FBXO42: variants seen among roughly 807,000 people sequenced by gnomAD.
The protein encoded by FBXO42 is F-box protein 42.
Under a neutral mutation model 71.7 loss-of-function variants are expected in FBXO42, and 12 were observed. The observed-to-expected ratio is 0.17, with a 90% confidence interval of 0.11 to 0.27. The LOEUF (loss-of-function observed/expected upper bound fraction) is 0.27, where lower values mean the gene tolerates loss of function less well. FBXO42 is among the 10% of genes least tolerant of loss of function. FBXO42 has a pLI of 1.00. For missense variants in FBXO42, 707 were observed against 911.9 expected (o/e 0.78, Z 2.89); for synonymous variants, 325 against 327.5 (o/e 0.99, Z 0.08).
In FBXO42 at chr1:16,335,754, C is replaced by A. The variant is rs564532583; in HGVS notation, c.-18+16501G>T. On this transcript the variant is annotated intron_variant, in intron 1 of 9. Transcript: ENST00000375592. ...TGGTCGTGGGCACCTGTAATCCCAG[C>A]TACTAAGGAGGCTGAGGCAGGAGAA... is the stretch of plus-strand genomic sequence containing the variant. 4.0e-5 allele frequency among the ~76,000 whole-genome samples: 6 copies of A among 151,068 alleles called. No homozygotes were observed. In the South Asian group the frequency reaches 1.0e-3, roughly 26 times the overall value.
At chr1:16,340,238 T>C (rs1315568429) in intron 1 of FBXO42, among the ~76,000 whole-genome samples, 1 of 150,826 alleles carries the variant, frequency 6.6e-6, no homozygotes, top group Non-Finnish European at 1.5e-5. Context: ...TCCTGGAGAC[T>C]GTTTCAGAAA....
intron 1 of FBXO42, among the ~76,000 whole-genome samples, chr1:16,336,359 T>G (rs1196226336): frequency 1.3e-5 from 2 of 151,784 alleles, no homozygotes; most frequent in Non-Finnish European, 2.9e-5. Context: ...CTTTTTTGTT[T>G]GTTTTTGTTT....
In FBXO42 at chr1:16,251,860, T is replaced by C. The variant is rs2081595719; in HGVS notation, c.1039-75A>G. 3 of 1,518,932 alleles carry C rather than the reference T, an allele frequency of 2.0e-6. No homozygotes were observed. The highest frequency in any genetic ancestry group is 1.4e-5 in the African/African-American group (1 of 72,450). 94.1% of individuals were successfully genotyped at this position (1,518,932 alleles called of 1,614,324 possible). A position where few individuals can be genotyped will look rare whatever the true frequency, so the allele number is the denominator to read the frequency against. On this transcript the variant is annotated intron_variant, in intron 9 of 9. Transcript: ENST00000375592. The surrounding 1 kb of genome is among the most constrained non-coding windows in gnomAD (Gnocchi z 4.5). ...CATTCAACTGTCAAACATTTTATCA[T>C]GAGCATCTGTCATGTGCCAGACATT...
intron 1 of FBXO42, among the ~76,000 whole-genome samples, chr1:16,323,254 T>C (rs1011545266): frequency 6.8e-6 from 1 of 147,990 alleles, no homozygotes; most frequent in Non-Finnish European, 1.5e-5. Context: ...CCATCTCTAC[T>C]AAAAATACAA....
At chr1:16,277,273 A>G (rs1006009974) in intron 4 of FBXO42, among the ~76,000 whole-genome samples, 9 of 152,202 alleles carry the variant, frequency 5.9e-5, no homozygotes, top group Non-Finnish European at 1.0e-4. Flanking sequence ...CATTCTCCTA[A>G]CACATTTGCA....
rs142090945 is a variant in FBXO42 at position 16,315,663 on chromosome 1, C to G, written c.-17-228G>C. Among the ~76,000 whole-genome samples, 306 of 152,216 alleles carry G rather than the reference C, an allele frequency of 2.0e-3. 1 individual carries two copies. Among genetic ancestry groups the G allele is most frequent in the Admixed American group, 4.6e-3 (70 of 15,260 alleles). ...TTACATTTTTTCTCTTCACTGAAAA[C>G]CAGAGTGGCAGCCAAGTTCTGGTAT... On this transcript the variant is annotated intron_variant, in intron 1 of 9. Transcript: ENST00000375592.
In FBXO42 at chr1:16,252,420, C is replaced by CCAATAACAAGACT. The variant is rs914328678; in HGVS notation, c.922-29_922-17dup. ...CCTTGAATAGCTGTAAGAGAAAAAA[C>CCAATAACAAGACT]CAATAACAAGACTCAGGTGTGATAT... On this transcript the variant is annotated splice_polypyrimidine_tract_variant and intron_variant, in intron 8 of 9. Coordinates refer to ENST00000375592, the MANE Select transcript of FBXO42 (RefSeq NM_018994.3). The surrounding 1 kb of genome is among the most constrained non-coding windows in gnomAD (Gnocchi z 4.4). 1 of 1,599,714 alleles carries CCAATAACAAGACT rather than the reference C, an allele frequency of 6.3e-7. No individual in the cohort carries two copies. Among genetic ancestry groups the CCAATAACAAGACT allele is most frequent in the Admixed American group, 1.7e-5 (1 of 59,966 alleles).
chr1:16,294,629 C>G, intron 4 of FBXO42, 154 bp downstream of exon 4: 1 of 723,300 alleles, frequency 1.4e-6, no homozygotes, highest in Non-Finnish European at 2.2e-6. Context: ...CTTACACAAG[C>G]ATATTACTAT....
At chr1:16,270,900 G>A (rs1475237298) in intron 4 of FBXO42, among the ~76,000 whole-genome samples, 1 of 151,654 alleles carries the variant, frequency 6.6e-6, no homozygotes, top group Non-Finnish European at 1.5e-5. Flanking sequence ...GCTTGCTGAG[G>A]GGAAGAAAGA....
chr1:16,336,003 C>T (rs766380720), intron 1 of FBXO42, among the ~76,000 whole-genome samples: 20 of 151,676 alleles, frequency 1.3e-4, no homozygotes, highest in Non-Finnish European at 2.1e-4. Flanking sequence ...GCAATCTCGG[C>T]TCATTGCAAC....
At position 16,273,434 on chromosome 1, in the gene FBXO42, C is replaced by G. The variant is rs973613690; in HGVS notation, c.503-16675G>C. Among the ~76,000 whole-genome samples the G allele has an allele frequency of 3.3e-5, 5 of 152,208 alleles. No individual in the cohort carries two copies. The East Asian group carries it at 9.6e-4, about 29-fold the overall frequency. On this transcript the variant is annotated intron_variant, in intron 4 of 9. Coordinates refer to ENST00000375592, the MANE Select transcript of FBXO42 (RefSeq NM_018994.3). ...CAGGACTAAGGAAATGGAGAGCTCT[C>G]TGGGATGCTTGCTATGTCTAAAATA...
At chr1:16,334,418 C>CAAAAAAAA (rs757658037) in intron 1 of FBXO42, among the ~76,000 whole-genome samples, 1 of 52,786 alleles carries the variant, frequency 1.9e-5, no homozygotes, top group African/African-American at 6.5e-5. Context: ...GACTCCGCCT[C>CAAAAAAAA]AAAAAAAAAA....
At chr1:16,343,153 T>A (rs1025197277) in intron 1 of FBXO42, among the ~76,000 whole-genome samples, 3 of 152,230 alleles carry the variant, frequency 2.0e-5, no homozygotes, top group African/African-American at 7.2e-5. Flanking sequence ...ATAACACATA[T>A]GTAACCAATT....
At chr1:16,316,645 G>A (rs1420442973) in intron 1 of FBXO42, among the ~76,000 whole-genome samples, 3 of 143,524 alleles carry the variant, frequency 2.1e-5, no homozygotes, top group Non-Finnish European at 4.5e-5. Flanking sequence ...TGAGGCAGGA[G>A]AACTGCTTGA....
chr1:16,330,033 G>A (rs986903429), intron 1 of FBXO42, among the ~76,000 whole-genome samples: 1 of 152,206 alleles, frequency 6.6e-6, no homozygotes, highest in Admixed American at 6.6e-5. Flanking sequence ...CACAGTAGTA[G>A]AGCATAATTT....
At chr1:16,261,146 T>C (rs1174415898) in intron 4 of FBXO42, among the ~76,000 whole-genome samples, 1 of 152,212 alleles carries the variant, frequency 6.6e-6, no homozygotes, top group Non-Finnish European at 1.5e-5. Context: ...TCTTCAATCT[T>C]AATCCGGTAA....
At chr1:16,289,343 A>G (rs557267273) in intron 4 of FBXO42, among the ~76,000 whole-genome samples, 6 of 151,686 alleles carry the variant, frequency 4.0e-5, no homozygotes, top group African/African-American at 1.4e-4. Context: ...GTTTGAGGCT[A>G]TAGTCAATTA....
chr1:16,261,955 AC>A (rs2081719294), intron 4 of FBXO42, among the ~76,000 whole-genome samples: 1 of 151,750 alleles, frequency 6.6e-6, no homozygotes, highest in African/African-American at 2.4e-5. Flanking sequence ...CTTGTGATCC[AC>A]CCGCCTTGGT....
intron 1 of FBXO42, among the ~76,000 whole-genome samples, chr1:16,323,713 C>T (rs1342549252): frequency 6.8e-6 from 1 of 147,758 alleles, no homozygotes; most frequent in Admixed American, 6.9e-5. Context: ...TCCCTTGAAC[C>T]CAGGAGGCGG....
Sources: gnomAD v4.1 joint callset for allele counts (sites outside exome capture counted in the v4.1 genomes callset) on GRCh38, gnomAD v4.1.1 for gene constraint, Gnocchi (gnomAD v3.1) non-coding constraint, MANE v1.5 for transcripts, NCBI Gene and HGNC (gene_info 2026-07-23, HGNC 2026-07-21) for gene names.